The following SPINK5 variants were observed in gnomAD, a reference collection of about 807,000 sequenced individuals.
SPINK5 encodes serine peptidase inhibitor Kazal type 5, also known as serine protease inhibitor Kazal-type 5.
Under a neutral mutation model 151.8 loss-of-function variants are expected in SPINK5, and 125 were observed. The ratio of observed to expected loss-of-function variants is 0.82; its 90% confidence interval spans 0.71 to 0.96. The LOEUF is 0.96. Among genes scored for constraint, SPINK5 ranks in the 40% least tolerant of loss-of-function variants. The pLI, the probability that SPINK5 is intolerant of heterozygous loss-of-function variation, is 0.00. For synonymous variants in SPINK5, 374 were observed against 395.3 expected (o/e 0.95, Z 0.64); for missense variants, 1,194 against 1,291.9 (o/e 0.92, Z 1.16).
chr5:148,120,171 G>A, intron 25 of SPINK5, 35 bp downstream of exon 25: 1 of 1,613,990 alleles, frequency 6.2e-7, no homozygotes, highest in South Asian at 1.1e-5. Context: ...TTGACTGTGA[G>A]TCTTAAAGTA....
At chr5:148,101,111 C>G (rs1471441710) in intron 13 of SPINK5, among the ~76,000 whole-genome samples, 2 of 116,750 alleles carry the variant, frequency 1.7e-5, no homozygotes, top group Non-Finnish European at 4.1e-5. Context: ...CAAGTCTGTA[C>G]TTATTATTTC....
chr5:148,075,960 G>T (rs1002845120), intron 4 of SPINK5, among the ~76,000 whole-genome samples: 7 of 151,762 alleles, frequency 4.6e-5, no homozygotes, highest in African/African-American at 1.7e-4. Context: ...GTCTGAGGTT[G>T]CAGTCATAAT....
chr5:148,082,503 T>TG (rs1482777197), intron 4 of SPINK5, among the ~76,000 whole-genome samples: 1 of 151,102 alleles, frequency 6.6e-6, no homozygotes, highest in Non-Finnish European at 1.5e-5. Context: ...TATTAAATTT[T>TG]GGTCAGAGAA....
At chr5:148,136,783 T>G (rs943607433) in intron 32 of SPINK5, among the ~76,000 whole-genome samples, 200 bp from the exon 33 acceptor site, 13 of 152,210 alleles carry the variant, frequency 8.5e-5, no homozygotes, top group South Asian at 2.1e-4. Flanking sequence ...TGTGTCCACC[T>G]CAACACGTAG....
intron 2 of SPINK5, among the ~76,000 whole-genome samples, chr5:148,066,703 ATAT>A (rs1752596262): frequency 6.6e-6 from 1 of 152,094 alleles, no homozygotes; most frequent in Admixed American, 6.5e-5. Flanking sequence ...AAAAAGAAGG[ATAT>A]TATATAAATA....
intron 18 of SPINK5, among the ~76,000 whole-genome samples, chr5:148,110,937 G>T (rs914362768): frequency 1.3e-5 from 2 of 151,818 alleles, no homozygotes; most frequent in African/African-American, 4.8e-5. Flanking sequence ...AAACCTGCAT[G>T]CTCTGAACAT....
intron 8 of SPINK5, 138 bp from the exon 9 acceptor site, chr5:148,094,216 G>T (rs1753392034): frequency 9.0e-6 from 8 of 888,530 alleles, no homozygotes; most frequent in African/African-American, 1.7e-5. Flanking sequence ...GGATCTCTGA[G>T]CCTAGAGGTT....
intron 32 of SPINK5, 119 bp from the exon 33 acceptor site, chr5:148,136,861 ACTT>A: frequency 2.4e-6 from 3 of 1,267,006 alleles, no homozygotes; most frequent in Non-Finnish European, 3.4e-6. Flanking sequence ...TTAAATTGCT[ACTT>A]CTTTGCAGAA....
chr5:148,125,982 C>G, intron 29 of SPINK5, 132 bp downstream of exon 29: 1 of 1,359,498 alleles, frequency 7.4e-7, no homozygotes, highest in Non-Finnish European at 1.0e-6. Flanking sequence ...TTAAAGCCCT[C>G]AAATTGAGAA....
chr5:148,088,525 CT>C lies in SPINK5; in HGVS notation c.411-16del. The C allele has an allele frequency of 6.2e-7, 1 of 1,610,486 alleles. No individual in the cohort carries two copies. The highest frequency in any genetic ancestry group is 8.5e-7 in the Non-Finnish European group (1 of 1,177,612). ...CTGTGATATTAAACTGCTGTGTCTA[CT>C]AACTTTTGATTCTAGGAAAACCGGG... On this transcript the variant is annotated splice_polypyrimidine_tract_variant and intron_variant, in intron 5 of 32. Coordinates refer to ENST00000256084, the MANE Select transcript of SPINK5 (RefSeq NM_006846.4).
At chr5:148,102,508 T>C (rs1753673927) in intron 15 of SPINK5, among the ~76,000 whole-genome samples, 1 of 152,190 alleles carries the variant, frequency 6.6e-6, no homozygotes, top group Non-Finnish European at 1.5e-5. Context: ...GTACAATTAT[T>C]ATATGTCAAG....
At chr5:148,086,714 T>C (rs1209803305) in intron 5 of SPINK5, among the ~76,000 whole-genome samples, 182 bp downstream of exon 5, 1 of 151,806 alleles carries the variant, frequency 6.6e-6, no homozygotes, top group East Asian at 1.9e-4. Context: ...CATAACACTT[T>C]ATATTTTACA....
At chr5:148,131,471 T>G (rs1333258487) in intron 31 of SPINK5, 82 bp downstream of exon 31, 3 of 1,584,314 alleles carry the variant, frequency 1.9e-6, no homozygotes, top group Non-Finnish European at 1.7e-6. Flanking sequence ...TGCACTGATA[T>G]AAATTCGAAA....
At chr5:148,074,017 T>G (rs1001197453) in intron 4 of SPINK5, among the ~76,000 whole-genome samples, 1 of 151,856 alleles carries the variant, frequency 6.6e-6, no homozygotes, top group Non-Finnish European at 1.5e-5. Context: ...TCTGTCTAAA[T>G]TTTTCCTTGT....
chr5:148,125,855 G>T lies in SPINK5; in HGVS notation c.2867+5G>T. 1 of 1,614,200 alleles carries T rather than the reference G, an allele frequency of 6.2e-7. No individual in the cohort carries two copies. The highest frequency in any genetic ancestry group is 8.5e-7 in the Non-Finnish European group (1 of 1,180,024). ...CTACATGTGCAGAGCTGTCTTGTGA[G>T]TAAGAGGATTCTGCTCCCCCTGTAG... On this transcript the variant is annotated splice_donor_5th_base_variant and intron_variant, in intron 29 of 32. Transcript: ENST00000256084.
intron 27 of SPINK5, 68 bp downstream of exon 27, chr5:148,124,028 T>C (rs1336844362): frequency 1.9e-6 from 3 of 1,572,890 alleles, no homozygotes; most frequent in East Asian, 4.5e-5. Context: ...TTTTTGTTAC[T>C]TTTAAAACCT....
In SPINK5 at chr5:148,120,114, T is replaced by G. The variant is rs201815688; in HGVS notation, c.2419T>G (p.Cys807Gly). Residue 807 changes from cysteine to glycine, a missense_variant, in exon 25 of 33, where the codon TGT becomes GGT. Coordinates refer to ENST00000256084, the MANE Select transcript of SPINK5 (RefSeq NM_006846.4). ...GPDGKTHGNK[C>G]TMCKEKLERE... ...AGATGGCAAGACACATGGCAATAAGTGTACTATGTGTAAGGAAAAACTGTG... is the reference window on the plus strand; with the variant it reads ...AGATGGCAAGACACATGGCAATAAGGGTACTATGTGTAAGGAAAAACTGTG... The G allele has an allele frequency of 3.4e-4, 543 of 1,613,832 alleles. No individual in the cohort carries two copies. The highest frequency in any genetic ancestry group is 4.9e-4 in the Middle Eastern group (3 of 6,084).
chr5:148,093,333 T>A (rs1753363193), intron 8 of SPINK5, among the ~76,000 whole-genome samples: 1 of 151,832 alleles, frequency 6.6e-6, no homozygotes, highest in Non-Finnish European at 1.5e-5. Context: ...TGAAAACAAA[T>A]CTTTCTTGGA....
At chr5:148,076,063 G>A (rs574126390) in intron 4 of SPINK5, among the ~76,000 whole-genome samples, 21 of 151,838 alleles carry the variant, frequency 1.4e-4, no homozygotes, top group African/African-American at 4.6e-4. Flanking sequence ...TGACTATAAA[G>A]CTGCGCATAT....
Sources: gnomAD v4.1 joint callset for allele counts (sites outside exome capture counted in the v4.1 genomes callset) on GRCh38, gnomAD v4.1.1 for gene constraint, MANE v1.5 for transcripts, NCBI Gene and HGNC (gene_info 2026-07-23, HGNC 2026-07-21) for gene names.